Variants in TNIK observed in about 807,000 individuals in gnomAD.
TNIK encodes the protein TRAF2 and NCK-interacting protein kinase.
In TNIK, 49 loss-of-function variants were observed where a neutral mutation model predicts 191.3. The ratio of observed to expected loss-of-function variants is 0.26; its 90% CI spans 0.20 to 0.32. The LOEUF (loss-of-function observed/expected upper bound fraction) is 0.32, where lower values mean the gene tolerates loss of function less well. TNIK is among the 10% of genes least tolerant of loss of function. The pLI, the probability that TNIK is intolerant of heterozygous loss-of-function variation, is 1.00. For missense variants in TNIK, 1,155 were observed against 1,702.3 expected (o/e 0.68, Z 5.66); for synonymous variants, 594 against 600.9 (o/e 0.99, Z 0.17).
intron 2 of TNIK, among the ~76,000 whole-genome samples, chr3:171,231,704 G>A (rs923599580): frequency 7.9e-5 from 12 of 152,178 alleles, no homozygotes; most frequent in Admixed American, 6.5e-5. Context: ...GAATGGCAGG[G>A]AGTCAGCCGA....
rs186901077 is a variant in TNIK, at chr3:171,443,655, C to T, written c.57+16352G>A. On this transcript the variant is annotated intron_variant, in intron 1 of 32. Transcript: ENST00000436636. ...AACATAGGGAGACCCCCCATCTCTACAAAAAAAAAAAATTTCAAAAAATTA... is the reference window on the plus strand; with the variant it reads ...AACATAGGGAGACCCCCCATCTCTATAAAAAAAAAAAATTTCAAAAAATTA... 2.0e-4 allele frequency among the ~76,000 whole-genome samples: 29 copies of T among 143,532 alleles called. No individual in the cohort carries two copies. The East Asian group carries it at 5.0e-3, about 25-fold the overall frequency. 94.2% of individuals were successfully genotyped at this position (143,532 alleles called of 152,430 possible). A position where few individuals can be genotyped will look rare whatever the true frequency, so the allele number is the denominator to read the frequency against.
At chr3:171,403,171 A>G (rs957164756) in intron 1 of TNIK, among the ~76,000 whole-genome samples, 1 of 152,226 alleles carries the variant, frequency 6.6e-6, no homozygotes, top group African/African-American at 2.4e-5. Context: ...CAGAGGCTCC[A>G]GAAGAAATGG....
In TNIK at chr3:171,138,206, T is replaced by C. The variant is rs1338357655; in HGVS notation, c.1593A>G (p.Pro531=). 11 of 1,603,488 alleles carry C rather than the reference T, an allele frequency of 6.9e-6. No individual in the cohort carries two copies. The highest frequency in any genetic ancestry group is 9.3e-6 in the Non-Finnish European group (11 of 1,176,532). Reference sequence around the variant, plus strand: ...GCTTACTTACCTCCTTGGCCCATGCTGGCTTCTCACTAGGACTCATTCCTT... The same window carrying C: ...GCTTACTTACCTCCTTGGCCCATGCCGGCTTCTCACTAGGACTCATTCCTT... The part of the protein sequence containing the change: ...YKEGMSPSEK[P]AWAKEVEERS... Residue 531 remains proline, a synonymous_variant, in exon 15 of 33, where the codon CCA becomes CCG. Coordinates refer to ENST00000436636, the MANE Select transcript of TNIK (RefSeq NM_015028.4).
chr3:171,347,668 G>T (rs1004036941), intron 2 of TNIK, among the ~76,000 whole-genome samples: 2 of 152,110 alleles, frequency 1.3e-5, no homozygotes, highest in African/African-American at 4.8e-5. Flanking sequence ...TTCAAGTGTG[G>T]TATTTCGGTT....
rs201489240 is a variant in TNIK at position 171,282,334 on chromosome 3, G to GTTTTTTTT, written c.124-54114_124-54113insAAAAAAAA. On this transcript the variant is annotated intron_variant, in intron 2 of 32. Coordinates refer to ENST00000436636, the MANE Select transcript of TNIK (RefSeq NM_015028.4). ...GAACTATCTGCAGATTCTCTTAATG[G>GTTTTTTTT]TTTTTTGTTTTTTTTTTTTTTTTTG... Among the ~76,000 whole-genome samples the GTTTTTTTT allele has an allele frequency of 3.2e-4, 37 of 114,464 alleles. 2 individuals are homozygous for GTTTTTTTT. The highest frequency in any genetic ancestry group is 4.3e-4 in the Non-Finnish European group (24 of 56,052). 75.1% of individuals were successfully genotyped at this position (114,464 alleles called of 152,430 possible).
chr3:171,362,462 A>G (rs1715126433), intron 2 of TNIK, among the ~76,000 whole-genome samples: 2 of 152,204 alleles, frequency 1.3e-5, no homozygotes, highest in Admixed American at 1.3e-4. Context: ...CTAAGCATAC[A>G]TAAAAACCAA....
intron 1 of TNIK, among the ~76,000 whole-genome samples, chr3:171,448,222 C>T (rs1465802076): frequency 6.6e-6 from 1 of 152,060 alleles, no homozygotes; most frequent in Non-Finnish European, 1.5e-5. Context: ...GTACAAGTGA[C>T]TTTTAGTATG....
intron 28 of TNIK, among the ~76,000 whole-genome samples, chr3:171,075,553 G>T (rs747735768): frequency 6.6e-6 from 1 of 152,076 alleles, no homozygotes; most frequent in African/African-American, 2.4e-5. Context: ...AAACATTCCC[G>T]CATGTGGTCT....
rs1311574023 is a variant in TNIK at position 171,097,735 on chromosome 3, C to T, written c.2591+3714G>A. Among the ~76,000 whole-genome samples, 9 of 152,178 alleles carry T rather than the reference C, an allele frequency of 5.9e-5. 1 individual carries two copies. The East Asian group carries it at 1.7e-3, about 29-fold the overall frequency. On this transcript the variant is annotated intron_variant, in intron 22 of 32. Coordinates refer to ENST00000436636, the MANE Select transcript of TNIK (RefSeq NM_015028.4). ...CCATTAAACCTCTTTTTCTTTATAA[C>T]TTTATACACTCTCAGGTATTTCTTC...
intron 2 of TNIK, among the ~76,000 whole-genome samples, chr3:171,313,732 A>G (rs1754306592): frequency 6.6e-6 from 1 of 152,140 alleles, no homozygotes; most frequent in South Asian, 2.1e-4. Flanking sequence ...ATCTGTCACC[A>G]CGAGAGCTGC....
intron 1 of TNIK, among the ~76,000 whole-genome samples, chr3:171,375,389 A>G (rs536390477): frequency 6.6e-6 from 1 of 152,342 alleles, no homozygotes; most frequent in Non-Finnish European, 1.5e-5. Flanking sequence ...TTTTCAACCA[A>G]TAATATTACC....
chr3:171,409,860 A>G (rs1347252025), intron 1 of TNIK, among the ~76,000 whole-genome samples: 1 of 151,252 alleles, frequency 6.6e-6, no homozygotes, highest in East Asian at 1.9e-4. Flanking sequence ...GGGTTACCAT[A>G]CTATTCTTAA....
chr3:171,280,305 C>T (rs1043885648), intron 2 of TNIK, among the ~76,000 whole-genome samples: 2 of 152,118 alleles, frequency 1.3e-5, no homozygotes, highest in Non-Finnish European at 2.9e-5. Context: ...AATTTTTGAA[C>T]TGGGTGAGAA....
At chr3:171,153,960 T>C (rs562587603) in intron 12 of TNIK, among the ~76,000 whole-genome samples, 3 of 152,320 alleles carry the variant, frequency 2.0e-5, no homozygotes, top group Non-Finnish European at 2.9e-5. Flanking sequence ...GATCTAATCG[T>C]CACAATGGGA....
intron 12 of TNIK, among the ~76,000 whole-genome samples, chr3:171,142,743 C>A (rs778535556): frequency 3.8e-4 from 58 of 152,218 alleles, no homozygotes; most frequent in Non-Finnish European, 7.3e-4. Context: ...AAAACAGAGA[C>A]ATTTCCAATA....
intron 2 of TNIK, among the ~76,000 whole-genome samples, chr3:171,298,813 T>C (rs1417347332): frequency 6.6e-6 from 1 of 152,202 alleles, no homozygotes; most frequent in African/African-American, 2.4e-5. Flanking sequence ...AAAAAAATAA[T>C]GTGTAAGGTC....
intron 2 of TNIK, 149 bp from the exon 3 acceptor site, chr3:171,228,370 C>T (rs1743205441): frequency 1.4e-6 from 1 of 727,642 alleles, no homozygotes; most frequent in East Asian, 2.7e-5. Context: ...AACACCATGT[C>T]TACTTAGTGT....
At chr3:171,458,749 T>A (rs1186380168) in intron 1 of TNIK, among the ~76,000 whole-genome samples, 3 of 152,206 alleles carry the variant, frequency 2.0e-5, no homozygotes, top group Admixed American at 6.5e-5. Flanking sequence ...GCTTCATCCA[T>A]CCTGGTGTCT....
intron 2 of TNIK, among the ~76,000 whole-genome samples, chr3:171,310,343 A>G (rs1451282215): frequency 6.6e-6 from 1 of 152,096 alleles, no homozygotes. Flanking sequence ...CAGGATTGCA[A>G]CCCACCAAGA....
Sources: gnomAD v4.1 joint callset for allele counts (sites outside exome capture counted in the v4.1 genomes callset) on GRCh38, gnomAD v4.1.1 for gene constraint, MANE v1.5 for transcripts, NCBI Gene and HGNC (gene_info 2026-07-23, HGNC 2026-07-21) for gene names.